Variants in PRKG1 observed in about 807,000 individuals in gnomAD.
PRKG1 encodes protein kinase cGMP-dependent 1, also known as cGMP-dependent protein kinase 1.
In PRKG1, 35 loss-of-function variants were observed where a neutral mutation model predicts 88.1. The observed-to-expected ratio is 0.40, with a 90% CI of 0.30 to 0.53. PRKG1 has a LOEUF of 0.53. Among genes scored for constraint, PRKG1 ranks in the 20% least tolerant of loss-of-function variants. The probability of loss-of-function intolerance (pLI) is 0.59; values close to 1 mark genes in which losing one functional copy is unlikely to be tolerated. For missense variants in PRKG1, 540 were observed against 839.8 expected (o/e 0.64, Z 4.41); for synonymous variants, 303 against 292.5 (o/e 1.04, Z -0.37).
intron 2 of PRKG1, among the ~76,000 whole-genome samples, chr10:51,284,349 G>T (rs1426562537): frequency 6.6e-6 from 1 of 152,110 alleles, no homozygotes; most frequent in African/African-American, 2.4e-5. Context: ...CCCACTTTAC[G>T]TACTAGGAAG....
chr10:50,992,882 C>T (rs1842796742), intron 1 of PRKG1, among the ~76,000 whole-genome samples: 1 of 152,158 alleles, frequency 6.6e-6, no homozygotes, highest in African/African-American at 2.4e-5. Context: ...GGAGTGCCTT[C>T]ATGCCCGCCT....
At chr10:51,511,270 A>G (rs1841396420) in intron 3 of PRKG1, among the ~76,000 whole-genome samples, 3 of 152,152 alleles carry the variant, frequency 2.0e-5, no homozygotes, top group Non-Finnish European at 4.4e-5. Flanking sequence ...AAGATTCAGG[A>G]ATTTATGAAA....
chr10:51,760,533 A>G (rs891527800), intron 3 of PRKG1, among the ~76,000 whole-genome samples: 4 of 148,080 alleles, frequency 2.7e-5, no homozygotes, highest in African/African-American at 1.0e-4. Flanking sequence ...GTGCAGTGGC[A>G]CTATCTCCGC....
At chr10:52,068,523 T>C (rs11000675) in intron 7 of PRKG1, among the ~76,000 whole-genome samples, 26,329 of 152,098 alleles carry the variant, frequency 0.17, 2,885 homozygotes, top group South Asian at 0.28. Context: ...TTATCTGAAA[T>C]GGGGATTATG....
intron 1 of PRKG1, among the ~76,000 whole-genome samples, chr10:51,049,034 A>G (rs1843526370): frequency 6.6e-6 from 1 of 152,070 alleles, no homozygotes; most frequent in Admixed American, 6.6e-5. Context: ...TCATGAACCA[A>G]GCTGACAGAG....
At chr10:51,378,763 C>T (rs529417412) in intron 2 of PRKG1, among the ~76,000 whole-genome samples, 1 of 151,438 alleles carries the variant, frequency 6.6e-6, no homozygotes, top group Non-Finnish European at 1.5e-5. Context: ...TCAATTTTCT[C>T]ATCTGAAAAA....
intron 1 of PRKG1, among the ~76,000 whole-genome samples, chr10:51,082,130 G>T (rs1431945849): frequency 6.6e-6 from 1 of 152,088 alleles, no homozygotes; most frequent in African/African-American, 2.4e-5. Context: ...TTCACAGCAT[G>T]AGAAAAAGAA....
At chr10:51,314,764 T>C (rs1309976050) in intron 2 of PRKG1, among the ~76,000 whole-genome samples, 1 of 152,224 alleles carries the variant, frequency 6.6e-6, no homozygotes, top group Non-Finnish European at 1.5e-5. Flanking sequence ...TTGGCTTTTC[T>C]TATGAGGACT....
intron 1 of PRKG1, among the ~76,000 whole-genome samples, chr10:51,111,773 A>T (rs772321137): frequency 2.0e-5 from 3 of 152,204 alleles, no homozygotes; most frequent in African/African-American, 4.8e-5. Context: ...TCTCTGATGA[A>T]GTTAGCACAT....
intron 5 of PRKG1, among the ~76,000 whole-genome samples, chr10:52,012,861 A>G (rs969882866): frequency 2.6e-5 from 4 of 152,202 alleles, no homozygotes; most frequent in Non-Finnish European, 5.9e-5. Flanking sequence ...CATGTGTGAG[A>G]TGTGATTATA....
intron 8 of PRKG1, among the ~76,000 whole-genome samples, chr10:52,145,183 T>A (rs1837697266): frequency 6.6e-6 from 1 of 152,206 alleles, no homozygotes; most frequent in Non-Finnish European, 1.5e-5. Flanking sequence ...AAAAATATAA[T>A]AATCACAGCT....
At chr10:51,097,181 A>T (rs1328430086) in intron 1 of PRKG1, among the ~76,000 whole-genome samples, 1 of 152,116 alleles carries the variant, frequency 6.6e-6, no homozygotes, top group Non-Finnish European at 1.5e-5. Context: ...GTAGGGGTCC[A>T]TATAGGAGGA....
intron 7 of PRKG1, among the ~76,000 whole-genome samples, chr10:52,100,309 C>T (rs923480553): frequency 5.3e-5 from 8 of 152,214 alleles, no homozygotes; most frequent in African/African-American, 1.9e-4. Context: ...CCAAAATCAG[C>T]AGCAGTGTTT....
intron 2 of PRKG1, among the ~76,000 whole-genome samples, chr10:51,419,232 A>G (rs1179181618): frequency 6.6e-6 from 1 of 152,204 alleles, no homozygotes; most frequent in Non-Finnish European, 1.5e-5. Flanking sequence ...AAATTGAAAT[A>G]GTCACAGGTA....
intron 3 of PRKG1, among the ~76,000 whole-genome samples, chr10:51,605,378 A>G (rs186351812): frequency 6.6e-6 from 1 of 152,108 alleles, no homozygotes; most frequent in South Asian, 2.1e-4. Flanking sequence ...GCCCTTCTCT[A>G]CCTAGCACTT....
rs533430645 is a variant in PRKG1 at position 52,118,225 on chromosome 10, A to T, written c.936-15615A>T. On this transcript the variant is annotated intron_variant, in intron 7 of 17. Coordinates refer to ENST00000373980, the MANE Select transcript of PRKG1 (RefSeq NM_006258.4). ...GATAGTTCATATTTTCTCTGTTTAA[A>T]GGATGTTTCTCTTTCCTTGTCTGTG... 5.3e-5 allele frequency among the ~76,000 whole-genome samples: 8 copies of T among 152,052 alleles called. 1 individual carries two copies. The South Asian group carries it at 1.7e-3, about 32-fold the overall frequency.
intron 3 of PRKG1, among the ~76,000 whole-genome samples, chr10:51,786,482 C>T (rs923958324): frequency 6.6e-6 from 1 of 152,108 alleles, no homozygotes; most frequent in Non-Finnish European, 1.5e-5. Context: ...TCCTCCTCTT[C>T]CAGGCCTAAC....
At chr10:51,198,866 A>G (rs1207358757) in intron 2 of PRKG1, among the ~76,000 whole-genome samples, 1 of 152,222 alleles carries the variant, frequency 6.6e-6, no homozygotes, top group East Asian at 1.9e-4. Flanking sequence ...AGTTATCCGT[A>G]GATTTAATCA....
chr10:51,554,630 T>C (rs1471350297), intron 3 of PRKG1, among the ~76,000 whole-genome samples: 1 of 151,482 alleles, frequency 6.6e-6, no homozygotes, highest in Non-Finnish European at 1.5e-5. Flanking sequence ...GCATTTTTCA[T>C]TTAGTTCTGT....
Sources: allele counts gnomAD v4.1 joint callset (sites outside exome capture counted in the v4.1 genomes callset), GRCh38; gene constraint gnomAD v4.1.1; transcripts MANE v1.5; gene names NCBI Gene and HGNC (gene_info 2026-07-23, HGNC 2026-07-21).